Variants in BAZ1B observed in about 807,000 individuals in gnomAD.
BAZ1B encodes bromodomain adjacent to zinc finger domain 1B.
A neutral mutation model predicts 153.8 loss-of-function variants in BAZ1B; 22 were observed. That is an observed-to-expected ratio of 0.14 (90% CI 0.10 to 0.20). The LOEUF is 0.20. BAZ1B is among the 10% of genes least tolerant of loss of function. The pLI, the probability that BAZ1B is intolerant of heterozygous loss-of-function variation, is 1.00. For missense variants in BAZ1B, 1,325 were observed against 1,799.3 expected (o/e 0.74, Z 4.77); for synonymous variants, 676 against 633.4 (o/e 1.07, Z -1.01).
rs553052691 is a variant in BAZ1B at position 73,470,294 on chromosome 7, T to C, written c.2732+51A>G. 1.3e-5 allele frequency: 19 copies of C among 1,516,310 alleles called. 1 individual carries two copies. The highest frequency in any genetic ancestry group is 2.3e-5 in the East Asian group (1 of 43,606). The allele number at this position is 1,516,310 out of a possible 1,614,324, so 93.9% of individuals were successfully genotyped here. Reference sequence around the variant, plus strand: ...TACTTTAGAAAATTTTCCTAACTAATAGCAATGTAAATAGTCCTAAAGAAA... The same window carrying C: ...TACTTTAGAAAATTTTCCTAACTAACAGCAATGTAAATAGTCCTAAAGAAA... On this transcript the variant is annotated intron_variant, in intron 8 of 19. Transcript: ENST00000339594.
chr7:73,461,904 A>T (rs1394764108), intron 12 of BAZ1B, among the ~76,000 whole-genome samples: 1 of 152,214 alleles, frequency 6.6e-6, no homozygotes, highest in Non-Finnish European at 1.5e-5. Context: ...AGCCAGGGCA[A>T]CATAGTGAGA....
intron 11 of BAZ1B, among the ~76,000 whole-genome samples, chr7:73,464,723 GTTTT>G (rs1788516501): frequency 6.6e-6 from 1 of 152,012 alleles, no homozygotes; most frequent in African/African-American, 2.4e-5. Context: ...AATTTTGGGG[GTTTT>G]TTGTTTCATT....
At chr7:73,485,205 T>C (rs1789355667) in intron 6 of BAZ1B, among the ~76,000 whole-genome samples, 1 of 152,042 alleles carries the variant, frequency 6.6e-6, no homozygotes, top group Admixed American at 6.6e-5. Context: ...AAGTGTAGAA[T>C]TACACAGGTG....
chr7:73,459,724 G>A lies in BAZ1B; in HGVS notation c.3250-6C>T, dbSNP rs1266371885. 4.4e-6 allele frequency: 7 copies of A among 1,575,140 alleles called. No individual in the cohort carries two copies. In the African/African-American group the frequency reaches 6.9e-5, roughly 15 times the overall value. ...AATTTCTCTAATGAAATGACCTATA[G>A]GAAAGGATTTTAAAACCAGACTGAG... On this transcript the variant is annotated splice_polypyrimidine_tract_variant and splice_region_variant and intron_variant, in intron 12 of 19. Transcript: ENST00000339594.
chr7:73,442,212 C>T lies in BAZ1B; in HGVS notation c.4436G>A (p.Arg1479Gln), dbSNP rs140554319. The change falls in exon 19 of 20, where the codon CGA (arginine) becomes CAA (glutamine). Residue 1479 changes from arginine to glutamine, a missense_variant. Physicochemically the swap from Arg to Gln is conservative, Grantham distance 43. Around this residue, in one of 9 missense-constraint regions of BAZ1B, gnomAD observed 271 missense variants for 337.2 expected, o/e 0.80. Coordinates refer to ENST00000339594, the MANE Select transcript of BAZ1B (RefSeq NM_032408.4). ...CCTGCCTCTCTACTTCTTCTGTCTT[C>T]GTCCCCTGGACTGTCCAACGGCCTC... is the stretch of plus-strand genomic sequence containing the variant. Reference protein sequence around the residue: ...EPEAVGQSRGRRQKK With the variant: ...EPEAVGQSRGQRQKK 1.2e-5 allele frequency: 16 copies of T among 1,359,282 alleles called. No individual in the cohort carries two copies. The highest frequency in any genetic ancestry group is 9.2e-5 in the East Asian group (2 of 21,804). The allele number at this position is 1,359,282 out of a possible 1,614,324, so 84.2% of individuals were successfully genotyped here.
intron 1 of BAZ1B, among the ~76,000 whole-genome samples, chr7:73,514,334 C>T (rs1370763514): frequency 6.6e-6 from 1 of 152,088 alleles, no homozygotes; most frequent in Non-Finnish European, 1.5e-5. Flanking sequence ...AGTTCGAGAC[C>T]AGCGTGGCCA....
chr7:73,493,462 AAAAAGAAAAG>A (rs1328929900), intron 4 of BAZ1B, among the ~76,000 whole-genome samples: 5 of 152,138 alleles, frequency 3.3e-5, no homozygotes, highest in Non-Finnish European at 7.3e-5. Context: ...TCCGTCTCAA[AAAAAGAAAAG>A]AAAAGAAAAA....
chr7:73,447,488 G>A (rs764136069), intron 15 of BAZ1B, 109 bp from the exon 16 acceptor site: 1 of 1,309,022 alleles, frequency 7.6e-7, no homozygotes, highest in Admixed American at 2.4e-5. Context: ...GACTACATAT[G>A]TATAACGTAT....
intron 15 of BAZ1B, among the ~76,000 whole-genome samples, chr7:73,448,485 T>A (rs541193551): frequency 1.3e-5 from 2 of 152,322 alleles, no homozygotes; most frequent in Admixed American, 6.5e-5. Flanking sequence ...CTCAGGGCAT[T>A]CATAATCTCA....
intron 1 of BAZ1B, among the ~76,000 whole-genome samples, chr7:73,520,364 A>C (rs7811568): frequency 4.1e-4 from 62 of 152,280 alleles, no homozygotes; most frequent in African/African-American, 1.5e-3. Flanking sequence ...TTATACCATA[A>C]TGACAAAAAA....
chr7:73,478,382 T>C lies in BAZ1B; in HGVS notation c.1079A>G (p.Lys360Arg), dbSNP rs202201817. 3.3e-5 allele frequency: 53 copies of C among 1,612,342 alleles called. No individual in the cohort carries two copies. Among genetic ancestry groups the C allele is most frequent in the East Asian group, 8.9e-5 (4 of 44,882 alleles). The change falls in exon 7 of 20, where the codon AAA (lysine) becomes AGA (arginine). Residue 360 changes from lysine to arginine, a missense_variant. Around this residue, in one of 9 missense-constraint regions of BAZ1B, gnomAD observed 219 missense variants for 248.2 expected, o/e 0.88. Transcript: ENST00000339594. Reference sequence around the variant, plus strand: ...TTCTTCTAGATGTTCTTCAGGAGATTTGGAATTCTTTGAGTTCTTCACTTT... The same window carrying C: ...TTCTTCTAGATGTTCTTCAGGAGATCTGGAATTCTTTGAGTTCTTCACTTT... ...PLKVKNSKNS[K>R]SPEEHLEEMM...
intron 2 of BAZ1B, among the ~76,000 whole-genome samples, chr7:73,509,136 A>G (rs1423101709): frequency 6.6e-6 from 1 of 152,152 alleles, no homozygotes; most frequent in Non-Finnish European, 1.5e-5. Flanking sequence ...AGCCTGGCCA[A>G]CATGGCGAAA....
chr7:73,475,475 G>T (rs1271255398), intron 7 of BAZ1B, among the ~76,000 whole-genome samples: 1 of 152,198 alleles, frequency 6.6e-6, no homozygotes, highest in Non-Finnish European at 1.5e-5. Flanking sequence ...CCATAAAAAG[G>T]CTACATATTA....
chr7:73,477,246 C>T lies in BAZ1B; in HGVS notation c.2215G>A (p.Glu739Lys). ...LEKLETSEFF[E>K]LTSEEKLQIL... is the part of the protein sequence containing the mutation. The stretch of plus-strand genomic sequence containing the variant: ...TGTAGCTTCTCCTCTGACGTCAGCT[C>T]AAAAAATTCAGAGGTCTCCAGCTTT... The change falls in exon 7 of 20, where the codon GAG becomes AAG. Residue 739 changes from glutamate to lysine, a missense_variant. By Grantham distance (56) the Glu-to-Lys change is moderately conservative. Around this residue, in one of 9 missense-constraint regions of BAZ1B, gnomAD observed 431 missense variants for 563.5 expected, o/e 0.76. Transcript: ENST00000339594. The surrounding 1 kb of genome is among the most constrained non-coding windows in gnomAD (Gnocchi z 5.6). 6.2e-7 allele frequency: 1 copy of T among 1,614,174 alleles called. No individual in the cohort carries two copies. The highest frequency in any genetic ancestry group is 8.5e-7 in the Non-Finnish European group (1 of 1,180,028).
At chr7:73,452,696 T>A (rs1554568572) in intron 13 of BAZ1B, among the ~76,000 whole-genome samples, 1 of 140,880 alleles carries the variant, frequency 7.1e-6, no homozygotes, top group East Asian at 2.1e-4. Context: ...CACTCCAGCC[T>A]GGGTGACAGA....
At chr7:73,481,751 T>C (rs1463719778) in intron 6 of BAZ1B, among the ~76,000 whole-genome samples, 3 of 152,040 alleles carry the variant, frequency 2.0e-5, no homozygotes, top group Non-Finnish European at 4.4e-5. Flanking sequence ...AAAACTGTAA[T>C]GTGTTGCCGG....
chr7:73,513,339 A>G (rs1316066458), intron 1 of BAZ1B, among the ~76,000 whole-genome samples: 1 of 152,222 alleles, frequency 6.6e-6, no homozygotes, highest in African/African-American at 2.4e-5. Flanking sequence ...GTAATCCAAA[A>G]TAGTAACTTT....
chr7:73,481,820 G>A (rs113235828), intron 6 of BAZ1B, among the ~76,000 whole-genome samples: 48 of 152,152 alleles, frequency 3.2e-4, no homozygotes, highest in African/African-American at 1.1e-3. Flanking sequence ...GGCAGATCAC[G>A]AGGTCAAGAG....
intron 7 of BAZ1B, among the ~76,000 whole-genome samples, chr7:73,474,412 G>C (rs1228538328): frequency 6.6e-6 from 1 of 152,106 alleles, no homozygotes; most frequent in East Asian, 1.9e-4. Flanking sequence ...AGTAACAAAA[G>C]AATAAATAGA....
Sources: gnomAD v4.1 joint callset for allele counts (sites outside exome capture counted in the v4.1 genomes callset) on GRCh38, gnomAD v4.1.1 for gene constraint, gnomAD v4.1.1 regional missense constraint, Gnocchi (gnomAD v3.1) non-coding constraint, MANE v1.5 for transcripts, NCBI Gene and HGNC (gene_info 2026-07-23, HGNC 2026-07-21) for gene names.